Variants in KLHL29 observed in about 807,000 individuals in gnomAD.
KLHL29 encodes kelch-like protein 29.
KLHL29 carries 21 observed loss-of-function variants against 80.4 expected under a neutral mutation model. That is an observed-to-expected ratio of 0.26 (90% confidence interval 0.19 to 0.38). KLHL29 has a LOEUF of 0.38. KLHL29 is among the 10% of genes least tolerant of loss of function. The probability of loss-of-function intolerance (pLI) is 1.00; values close to 1 mark genes in which losing one functional copy is unlikely to be tolerated. For synonymous variants in KLHL29, 511 were observed against 526.8 expected, an observed-to-expected ratio of 0.97 and a Z score of 0.41; for missense variants, 867 against 1,223.9, an observed-to-expected ratio of 0.71 and a Z score of 4.35.
At chr2:23,470,920 G>C (rs1047960807) in intron 1 of KLHL29, among the ~76,000 whole-genome samples, 1 of 152,204 alleles carries the variant, frequency 6.6e-6, no homozygotes, top group Non-Finnish European at 1.5e-5. Flanking sequence ...GCAGGCTTTG[G>C]TGAACCCACA....
chr2:23,449,142 A>G (rs1019571383), intron 1 of KLHL29, among the ~76,000 whole-genome samples: 2 of 152,068 alleles, frequency 1.3e-5, no homozygotes, highest in African/African-American at 4.8e-5. Flanking sequence ...CCGTGAGCTC[A>G]TGCTTGGGGC....
At chr2:23,627,477 A>G (rs1426975844) in intron 3 of KLHL29, among the ~76,000 whole-genome samples, 2 of 152,292 alleles carry the variant, frequency 1.3e-5, no homozygotes, top group Admixed American at 6.5e-5. Context: ...TCTGACCCCC[A>G]TACCATTCAG....
At chr2:23,625,899 G>C (rs898666302) in intron 3 of KLHL29, among the ~76,000 whole-genome samples, 3 of 152,182 alleles carry the variant, frequency 2.0e-5, no homozygotes, top group Non-Finnish European at 4.4e-5. Flanking sequence ...GTGAGGACAC[G>C]GCAAGAAGGC....
intron 5 of KLHL29, among the ~76,000 whole-genome samples, chr2:23,652,830 T>C (rs1275018136): frequency 6.6e-6 from 1 of 152,222 alleles, no homozygotes; most frequent in African/African-American, 2.4e-5. Context: ...TCGGCTGATT[T>C]CTTTGGTGTC....
At chr2:23,582,318 G>A (rs576445646) in intron 3 of KLHL29, among the ~76,000 whole-genome samples, 1 of 152,322 alleles carries the variant, frequency 6.6e-6, no homozygotes, top group African/African-American at 2.4e-5. Flanking sequence ...TAAAATCTCA[G>A]AAATAAAGTA....
chr2:23,484,096 A>G (rs1279570654), intron 2 of KLHL29, among the ~76,000 whole-genome samples: 1 of 152,172 alleles, frequency 6.6e-6, no homozygotes, highest in African/African-American at 2.4e-5. Context: ...CCTAAAGACC[A>G]TGAGTCAACC....
chr2:23,584,823 G>A (rs1451337692), intron 3 of KLHL29, among the ~76,000 whole-genome samples: 10 of 152,164 alleles, frequency 6.6e-5, no homozygotes, highest in Admixed American at 1.3e-4. Context: ...TGCAACTTCC[G>A]CCTCCCAGGT....
rs1467459233 is a variant in KLHL29 at position 23,684,354 on chromosome 2, A to C, written c.941-45A>C. On this transcript the variant is annotated intron_variant, in intron 5 of 13. Coordinates refer to ENST00000486442, the MANE Select transcript of KLHL29 (RefSeq NM_052920.2). The surrounding 1 kb of genome is among the most constrained non-coding windows in gnomAD (Gnocchi z 4.4). Reference sequence around the variant, plus strand: ...ACTTTTTTTAATTAAAAAAAAAAAAACTCTTAATGGGAACCTGGCCCTGTC... The same window carrying C: ...ACTTTTTTTAATTAAAAAAAAAAAACCTCTTAATGGGAACCTGGCCCTGTC... 13 of 1,316,424 alleles carry C rather than the reference A, an allele frequency of 9.9e-6. No homozygotes were observed. Among genetic ancestry groups the C allele is most frequent in the South Asian group, 2.3e-5 (1 of 42,628 alleles). The allele number at this position is 1,316,424 out of a possible 1,614,324, so 81.5% of individuals were successfully genotyped here.
chr2:23,504,375 C>A (rs1205341700), intron 2 of KLHL29, among the ~76,000 whole-genome samples: 1 of 152,190 alleles, frequency 6.6e-6, no homozygotes, highest in Non-Finnish European at 1.5e-5. Context: ...GGGGCCACTT[C>A]TAGGCACTAA....
intron 2 of KLHL29, among the ~76,000 whole-genome samples, chr2:23,548,247 C>T (rs987466502): frequency 1.3e-5 from 2 of 152,036 alleles, no homozygotes; most frequent in Non-Finnish European, 2.9e-5. Flanking sequence ...CTTGGGGACC[C>T]TGTGAACACA....
At chr2:23,415,013 A>G (rs545373808) in intron 1 of KLHL29, among the ~76,000 whole-genome samples, 1 of 152,222 alleles carries the variant, frequency 6.6e-6, no homozygotes, top group African/African-American at 2.4e-5. Flanking sequence ...AGGAATGACA[A>G]CAGTCATACC....
At chr2:23,554,686 A>G (rs2103491672) in intron 2 of KLHL29, among the ~76,000 whole-genome samples, 1 of 152,260 alleles carries the variant, frequency 6.6e-6, no homozygotes, top group African/African-American at 2.4e-5. Flanking sequence ...CCTGTTCCTG[A>G]GCAGGCACTC....
At chr2:23,391,038 T>C (rs1309435035) in intron 1 of KLHL29, among the ~76,000 whole-genome samples, 3 of 152,224 alleles carry the variant, frequency 2.0e-5, no homozygotes, top group Admixed American at 2.0e-4. Flanking sequence ...TCTATACCCG[T>C]TAAACATCAT....
chr2:23,648,619 C>T (rs1670003987), intron 5 of KLHL29, among the ~76,000 whole-genome samples: 1 of 152,214 alleles, frequency 6.6e-6, no homozygotes, highest in East Asian at 1.9e-4. Context: ...CTCCTCCTAC[C>T]TCCCCTCAGG....
At chr2:23,403,669 T>C (rs2103390194) in intron 1 of KLHL29, among the ~76,000 whole-genome samples, 1 of 145,738 alleles carries the variant, frequency 6.9e-6, no homozygotes, top group East Asian at 2.0e-4. Flanking sequence ...ATGAAAACAA[T>C]AATACATCCA....
Position 23,609,531 on chromosome 2 carries a change from C to T in KLHL29, c.286-29608C>T, listed in dbSNP as rs78999776. ...TGTGCTCTTCAGAATGCGCCCCCCT[C>T]GGCTGGTTGTGGAGCGAGGGAATAG... On this transcript the variant is annotated intron_variant, in intron 3 of 13. Transcript: ENST00000486442. Among the ~76,000 whole-genome samples the T allele has an allele frequency of 5.4e-3, 827 of 151,950 alleles. 9 individuals carry two copies. The highest frequency in any genetic ancestry group is 0.019 in the African/African-American group (804 of 41,422).
At chr2:23,578,880 C>G (rs1201495596) in intron 3 of KLHL29, among the ~76,000 whole-genome samples, 1 of 152,212 alleles carries the variant, frequency 6.6e-6, no homozygotes, top group Non-Finnish European at 1.5e-5. Flanking sequence ...GTCTACAGAT[C>G]AATTAGACAT....
At chr2:23,530,698 C>T (rs2103477391) in intron 2 of KLHL29, among the ~76,000 whole-genome samples, 2 of 152,328 alleles carry the variant, frequency 1.3e-5, no homozygotes, top group Middle Eastern at 3.4e-3. Context: ...ACTCCCATCA[C>T]CTCAAGATGC....
chr2:23,603,579 C>A (rs1021988273), intron 3 of KLHL29, among the ~76,000 whole-genome samples: 1 of 152,198 alleles, frequency 6.6e-6, no homozygotes, highest in Non-Finnish European at 1.5e-5. Flanking sequence ...AATAAAAATT[C>A]TGAAAGTGCT....
Sources: allele counts gnomAD v4.1 joint callset (sites outside exome capture counted in the v4.1 genomes callset), GRCh38; gene constraint gnomAD v4.1.1; non-coding constraint Gnocchi (gnomAD v3.1); transcripts MANE v1.5; gene names NCBI Gene and HGNC (gene_info 2026-07-23, HGNC 2026-07-21).